Variants in SUGCT observed in about 807,000 individuals in gnomAD.
The protein encoded by SUGCT is succinyl-CoA:glutarate-CoA transferase.
In SUGCT, 41 loss-of-function variants were observed where a neutral mutation model predicts 55.0. That is an observed-to-expected ratio of 0.74 (90% CI 0.58 to 0.97). The LOEUF is 0.97. Ranked by LOEUF, SUGCT falls within the 50% of genes least tolerant of loss-of-function variation. The pLI, the probability that SUGCT is intolerant of heterozygous loss-of-function variation, is 0.00. For missense variants in SUGCT, 568 were observed against 547.8 expected, an observed-to-expected ratio of 1.04 and a Z score of -0.37; for synonymous variants, 187 against 200.4, an observed-to-expected ratio of 0.93 and a Z score of 0.56.
the SUGCT span, among the ~76,000 whole-genome samples, chr7:40,907,142 A>T: frequency 5.9e-3 from 166 of 27,966 alleles, no homozygotes; most frequent in Admixed American, 9.5e-3. Flanking sequence ...TGTGTGTGTG[A>T]GAGAGAGAGA....
chr7:40,311,625 G>T (rs576512098), intron 8 of SUGCT, among the ~76,000 whole-genome samples: 1 of 152,102 alleles, frequency 6.6e-6, no homozygotes, highest in African/African-American at 2.4e-5. Flanking sequence ...TTGAGCTTTC[G>T]CACATGTTAC....
At chr7:40,954,657 C>G in the SUGCT span, among the ~76,000 whole-genome samples, 1 of 152,158 alleles carries the variant, frequency 6.6e-6, no homozygotes, top group South Asian at 2.1e-4. Context: ...TCCCATTTGT[C>G]AATTTTGGCT....
At chr7:40,726,169 T>C (rs935980464) in intron 12 of SUGCT, among the ~76,000 whole-genome samples, 1 of 152,158 alleles carries the variant, frequency 6.6e-6, no homozygotes, top group Non-Finnish European at 1.5e-5. Context: ...AACCACGTTG[T>C]ATTACTTGGA....
At chr7:40,952,915 CT>C in the SUGCT span, among the ~76,000 whole-genome samples, 2 of 152,280 alleles carry the variant, frequency 1.3e-5, no homozygotes, top group Non-Finnish European at 2.9e-5. Context: ...TTTGGTGAAT[CT>C]GACAATTAGG....
intron 13 of SUGCT, among the ~76,000 whole-genome samples, chr7:40,751,407 G>A (rs1788005385): frequency 6.6e-6 from 1 of 152,118 alleles, no homozygotes; most frequent in Non-Finnish European, 1.5e-5. Context: ...AGTGATACAG[G>A]AGTTTAGGTG....
At chr7:40,187,085 C>T (rs1027803172) in intron 3 of SUGCT, among the ~76,000 whole-genome samples, 4 of 152,130 alleles carry the variant, frequency 2.6e-5, no homozygotes, top group African/African-American at 9.7e-5. Context: ...CACATATACA[C>T]CATGGAATAC....
intron 12 of SUGCT, among the ~76,000 whole-genome samples, chr7:40,528,630 CA>C (rs1793926899): frequency 6.6e-6 from 1 of 152,072 alleles, no homozygotes; most frequent in Non-Finnish European, 1.5e-5. Flanking sequence ...AAGAATGACC[CA>C]AGTAAAATAT....
chr7:40,360,432 T>A (rs1038791925), intron 9 of SUGCT, among the ~76,000 whole-genome samples: 1 of 152,234 alleles, frequency 6.6e-6, no homozygotes, highest in African/African-American at 2.4e-5. Context: ...GATTTATTAA[T>A]TCATGATTTC....
chr7:40,886,181 A>G, the SUGCT span, among the ~76,000 whole-genome samples: 1 of 152,236 alleles, frequency 6.6e-6, no homozygotes, highest in Non-Finnish European at 1.5e-5. Context: ...TTGGGTTTGA[A>G]TTAAGAATGT....
intron 13 of SUGCT, among the ~76,000 whole-genome samples, chr7:40,774,878 G>T (rs1332798481): frequency 2.0e-5 from 3 of 151,392 alleles, no homozygotes; most frequent in Non-Finnish European, 4.4e-5. Context: ...ACATTTAGTT[G>T]GTAATAAAAA....
rs577648765 is a variant in SUGCT, at chr7:40,353,099, C to T, written c.816+36244C>T. Among the ~76,000 whole-genome samples, 162 of 152,044 alleles carry T rather than the reference C, an allele frequency of 1.1e-3. 1 individual carries two copies. Among genetic ancestry groups the T allele is most frequent in the Non-Finnish European group, 1.6e-3 (111 of 68,004 alleles). On this transcript the variant is annotated intron_variant, in intron 9 of 13. Coordinates refer to ENST00000335693, the MANE Select transcript of SUGCT (RefSeq NM_001193313.2). ...TTTTGAAAAGTGTCTGTGTCCTTTG[C>T]CCACTTTTTAATGGGGTTGTTTTCA...
chr7:40,749,172 T>C (rs1250482484), intron 12 of SUGCT, among the ~76,000 whole-genome samples: 1 of 152,164 alleles, frequency 6.6e-6, no homozygotes, highest in African/African-American at 2.4e-5. Context: ...TAGGAGCAAA[T>C]AAAAATTTTA....
At chr7:40,335,507 G>A (rs1232112433) in intron 9 of SUGCT, among the ~76,000 whole-genome samples, 2 of 151,826 alleles carry the variant, frequency 1.3e-5, no homozygotes, top group East Asian at 1.9e-4. Context: ...TCTCTTTGAA[G>A]CAATTGTGAA....
chr7:40,620,240 A>G (rs1799199374), intron 12 of SUGCT, among the ~76,000 whole-genome samples: 1 of 152,236 alleles, frequency 6.6e-6, no homozygotes, highest in Non-Finnish European at 1.5e-5. Flanking sequence ...CTATCACCCC[A>G]AAGAGCCATT....
intron 12 of SUGCT, among the ~76,000 whole-genome samples, chr7:40,639,895 T>C (rs371433646): frequency 6.6e-6 from 1 of 152,196 alleles, no homozygotes; most frequent in East Asian, 1.9e-4. Flanking sequence ...CGATACTCAA[T>C]AAATGCTTTT....
intron 12 of SUGCT, among the ~76,000 whole-genome samples, chr7:40,657,513 T>TG (rs1801076365): frequency 6.6e-6 from 1 of 151,952 alleles, no homozygotes; most frequent in Non-Finnish European, 1.5e-5. Flanking sequence ...AGGTAGATTT[T>TG]TTTTTGAGAC....
At chr7:40,334,823 T>C (rs542642272) in intron 9 of SUGCT, among the ~76,000 whole-genome samples, 18 of 152,342 alleles carry the variant, frequency 1.2e-4, no homozygotes, top group African/African-American at 2.2e-4. Flanking sequence ...ATGTAGTCCT[T>C]GCCCATGCCT....
At chr7:40,913,956 GA>G in the SUGCT span, among the ~76,000 whole-genome samples, 1 of 151,894 alleles carries the variant, frequency 6.6e-6, no homozygotes, top group Non-Finnish European at 1.5e-5. Context: ...ACCCACACAA[GA>G]AAGGGAAATA....
chr7:40,413,383 A>G (rs1786798729), intron 9 of SUGCT, among the ~76,000 whole-genome samples: 5 of 152,130 alleles, frequency 3.3e-5, no homozygotes, highest in Admixed American at 3.3e-4. Flanking sequence ...CAAGAACCCT[A>G]CTTCAATGGG....
Sources: allele counts gnomAD v4.1 joint callset (sites outside exome capture counted in the v4.1 genomes callset), GRCh38; gene constraint gnomAD v4.1.1; transcripts MANE v1.5; gene names NCBI Gene and HGNC (gene_info 2026-07-23, HGNC 2026-07-21).